IFT57: variants seen among roughly 807,000 people sequenced by gnomAD.
IFT57 encodes intraflagellar transport protein 57 homolog.
Under a neutral mutation model 56.8 loss-of-function variants are expected in IFT57, and 59 were observed. That is an observed-to-expected ratio of 1.04 (90% CI 0.84 to 1.29). The LOEUF is 1.29. Ranked by LOEUF, IFT57 falls within the 50% of genes most tolerant of loss-of-function variation. The pLI is 0.00. For missense variants in IFT57, 470 were observed against 522.1 expected, an observed-to-expected ratio of 0.90 and a Z score of 0.97; for synonymous variants, 209 against 186.1, an observed-to-expected ratio of 1.12 and a Z score of -1.00.
chr3:108,197,284 A>C (rs1185379018), intron 5 of IFT57, among the ~76,000 whole-genome samples: 1 of 152,194 alleles, frequency 6.6e-6, no homozygotes, highest in Admixed American at 6.5e-5. Flanking sequence ...GAAAGCTAAA[A>C]GGATTTAAAT....
At chr3:108,204,774 A>G (rs866144048) in intron 5 of IFT57, among the ~76,000 whole-genome samples, 3 of 152,178 alleles carry the variant, frequency 2.0e-5, no homozygotes, top group African/African-American at 7.2e-5. Flanking sequence ...AAAGCAATAG[A>G]CTTGGAGTTT....
At chr3:108,214,219 A>G (rs1207995921) in intron 3 of IFT57, among the ~76,000 whole-genome samples, 198 bp from the exon 4 acceptor site, 3 of 152,190 alleles carry the variant, frequency 2.0e-5, no homozygotes, top group Non-Finnish European at 4.4e-5. Flanking sequence ...AAATTTATAA[A>G]AAATGAGATG....
chr3:108,213,814 C>T (rs2080356565), intron 4 of IFT57, 117 bp downstream of exon 4: 1 of 644,582 alleles, frequency 1.6e-6, no homozygotes, highest in Admixed American at 3.0e-5. Flanking sequence ...AAAAGCTTTT[C>T]TTCTTTAGAA....
intron 4 of IFT57, among the ~76,000 whole-genome samples, chr3:108,208,291 C>G (rs1291350040): frequency 6.6e-6 from 1 of 152,178 alleles, no homozygotes; most frequent in African/African-American, 2.4e-5. Context: ...ATGGCTTAGT[C>G]TAGTCTATGT....
Position 108,166,995 on chromosome 3 carries a change from C to A in IFT57, c.850-10G>T, listed in dbSNP as rs374950690. On this transcript the variant is annotated splice_polypyrimidine_tract_variant and intron_variant, in intron 7 of 10. Coordinates refer to ENST00000264538, the MANE Select transcript of IFT57 (RefSeq NM_018010.4). ...GTTTGTCCAAAAATCCCTAGAAATT[C>A]CATGGAATTTGCAGATAGAAGAACT... The A allele has an allele frequency of 1.9e-4, 306 of 1,602,864 alleles. No individual in the cohort carries two copies. The highest frequency in any genetic ancestry group is 2.5e-4 in the Non-Finnish European group (296 of 1,174,766).
intron 6 of IFT57, among the ~76,000 whole-genome samples, chr3:108,174,531 T>G (rs1209382919): frequency 1.3e-5 from 2 of 151,328 alleles, no homozygotes; most frequent in African/African-American, 4.9e-5. Flanking sequence ...TTTGGAGAGA[T>G]AAATAGATAT....
At chr3:108,179,553 A>G (rs1438646664) in intron 6 of IFT57, among the ~76,000 whole-genome samples, 1 of 152,044 alleles carries the variant, frequency 6.6e-6, no homozygotes, top group East Asian at 1.9e-4. Flanking sequence ...ACTTGGCACA[A>G]GCAGATTTGC....
intron 9 of IFT57, among the ~76,000 whole-genome samples, chr3:108,164,738 C>T (rs2080051095): frequency 6.6e-6 from 1 of 152,144 alleles, no homozygotes; most frequent in East Asian, 1.9e-4. Flanking sequence ...CTTTATTCCT[C>T]AAATAATCTC....
At chr3:108,175,321 G>A (rs1032667723) in intron 6 of IFT57, among the ~76,000 whole-genome samples, 2 of 151,640 alleles carry the variant, frequency 1.3e-5, no homozygotes, top group Non-Finnish European at 3.0e-5. Context: ...GAATTTCTAT[G>A]TTTCAAAATC....
intron 5 of IFT57, among the ~76,000 whole-genome samples, chr3:108,204,051 A>G (rs1481097891): frequency 6.6e-6 from 1 of 152,202 alleles, no homozygotes; most frequent in Non-Finnish European, 1.5e-5. Flanking sequence ...ATGAGACATA[A>G]AATCTTAAAT....
At position 108,222,318 on chromosome 3, in the gene IFT57, G is replaced by C. The variant is rs1258922836; in HGVS notation, c.5C>G (p.Thr2Ser). 3.1e-6 allele frequency: 5 copies of C among 1,609,942 alleles called. No homozygotes were observed. The African/African-American group carries it at 6.7e-5, about 21-fold the overall frequency. The change falls in exon 1 of 11, where the codon ACT becomes AGT. Residue 2 changes from threonine (T) to serine (S), a missense_variant. By Grantham distance (58) the Thr-to-Ser change is moderately conservative. Transcript: ENST00000264538. The stretch of plus-strand genomic sequence containing the variant: ...CGTCGTGACGACGGCCAGAGCAGCA[G>C]TCATCGCAGAACGGACAGAGTCCAG... M[T>S]AALAVVTTSG...
At chr3:108,213,063 G>C (rs546525609) in intron 4 of IFT57, among the ~76,000 whole-genome samples, 2 of 152,024 alleles carry the variant, frequency 1.3e-5, no homozygotes, top group Non-Finnish European at 1.5e-5. Flanking sequence ...CTCCCTTATG[G>C]CTTGCTTAGT....
At chr3:108,201,324 C>T (rs1300274792) in intron 5 of IFT57, among the ~76,000 whole-genome samples, 2 of 152,288 alleles carry the variant, frequency 1.3e-5, no homozygotes, top group Admixed American at 6.5e-5. Flanking sequence ...TGAAAAGCTA[C>T]ACTGAAGATC....
Position 108,161,588 on chromosome 3 carries a change from G to A in IFT57, c.*889C>T, listed in dbSNP as rs982047513. On this transcript the variant is annotated 3_prime_UTR_variant, in exon 11 of 11. Coordinates refer to ENST00000264538, the MANE Select transcript of IFT57 (RefSeq NM_018010.4). ...CTCCTGCTTTGTGTTCCCCTGGCCA[G>A]TTTTCCCCAGTGCTAATTCTGGCAC... 2.6e-5 allele frequency: 4 copies of A among 151,878 alleles called. No individual in the cohort carries two copies. The highest frequency in any genetic ancestry group is 2.0e-4 in the Admixed American group (3 of 15,222). The allele number at this position is 151,878 out of a possible 1,614,324, so 9.4% of individuals were successfully genotyped here.
intron 5 of IFT57, among the ~76,000 whole-genome samples, chr3:108,202,377 C>T (rs183221032): frequency 7.2e-5 from 11 of 152,332 alleles, no homozygotes; most frequent in African/African-American, 2.2e-4. Context: ...GCTACCACCT[C>T]ATCACTAGAG....
intron 3 of IFT57, 22 bp downstream of exon 3, chr3:108,218,513 C>T (rs56273515): frequency 0.091 from 103,911 of 1,138,164 alleles, 4,982 homozygotes; most frequent in Middle Eastern, 0.11. Context: ...AAATTACTAT[C>T]ATCAGGGTGG....
At chr3:108,206,923 T>C (rs2080317122) in intron 4 of IFT57, among the ~76,000 whole-genome samples, 1 of 152,028 alleles carries the variant, frequency 6.6e-6, no homozygotes, top group Non-Finnish European at 1.5e-5. Flanking sequence ...ATAGAACCAT[T>C]TTTGTAGTCA....
At chr3:108,204,194 A>C (rs180851848) in intron 5 of IFT57, among the ~76,000 whole-genome samples, 2 of 152,286 alleles carry the variant, frequency 1.3e-5, no homozygotes, top group East Asian at 3.9e-4. Flanking sequence ...CAGGTTTTTT[A>C]AAATATGAAA....
intron 1 of IFT57, among the ~76,000 whole-genome samples, chr3:108,220,648 AACCT>A (rs1418781520): frequency 1.3e-5 from 2 of 152,226 alleles, no homozygotes; most frequent in Admixed American, 1.3e-4. Flanking sequence ...AGATACTGTA[AACCT>A]AGGACAGTGG....
Sources: allele counts gnomAD v4.1 joint callset (sites outside exome capture counted in the v4.1 genomes callset), GRCh38; gene constraint gnomAD v4.1.1; transcripts MANE v1.5; gene names NCBI Gene and HGNC (gene_info 2026-07-23, HGNC 2026-07-21).